Variants in HNRNPUL1 observed in about 807,000 individuals in gnomAD.
HNRNPUL1 encodes the protein heterogeneous nuclear ribonucleoprotein U like 1.
A neutral mutation model predicts 108.5 loss-of-function variants in HNRNPUL1; 14 were observed. The observed-to-expected ratio is 0.13, with a 90% CI of 0.09 to 0.20. The LOEUF (loss-of-function observed/expected upper bound fraction) is 0.20. Ranked by LOEUF, HNRNPUL1 falls within the 10% of genes least tolerant of loss-of-function variation. The pLI is 1.00. For missense variants in HNRNPUL1, 804 were observed against 1,168.3 expected (o/e 0.69, Z 4.55); for synonymous variants, 422 against 445.2 (o/e 0.95, Z 0.66).
At chr19:41,282,549 A>G (rs1159199411) in intron 7 of HNRNPUL1, among the ~76,000 whole-genome samples, 1 of 152,112 alleles carries the variant, frequency 6.6e-6, no homozygotes, top group Non-Finnish European at 1.5e-5. Context: ...GAATTCTCAC[A>G]GGGCCTTATC....
chr19:41,292,336 G>A lies in HNRNPUL1; in HGVS notation c.1091G>A (p.Gly364Glu). ...TTCCGAATCCAGAAGGAAGCCTTGG[G>A]GGGTCAGGCCCTCTATCCTCATGTC... ...IAFRIQKEAL[G>E]GQALYPHVLV... The change falls in exon 8 of 15, where the codon GGG (glycine) becomes GAG (glutamate). Residue 364 changes from glycine to glutamate, a missense_variant. Physicochemically the swap from Gly to Glu is moderately conservative, Grantham distance 98 (BLOSUM62 -2). This residue lies in a region of HNRNPUL1 where 174 missense variants were observed against 296.6 expected (regional missense o/e 0.59). Transcript: ENST00000392006. The surrounding 1 kb of genome is among the most constrained non-coding windows in gnomAD (Gnocchi z 4.1). 1 of 1,614,226 alleles carries A rather than the reference G, an allele frequency of 6.2e-7. No homozygotes were observed. The highest frequency in any genetic ancestry group is 2.2e-5 in the East Asian group (1 of 44,888).
At chr19:41,278,121 G>A (rs574789631) in intron 5 of HNRNPUL1, among the ~76,000 whole-genome samples, 2 of 152,020 alleles carry the variant, frequency 1.3e-5, no homozygotes, top group South Asian at 2.1e-4. Context: ...ATACAGTGGC[G>A]CAATCTCTGC....
chr19:41,283,653 G>C (rs67744888), intron 7 of HNRNPUL1, among the ~76,000 whole-genome samples: 1 of 151,874 alleles, frequency 6.6e-6, no homozygotes, highest in Non-Finnish European at 1.5e-5. Context: ...TTGGGGTTTC[G>C]CCGTGTTGGC....
At chr19:41,269,105 A>C (rs559521873) in intron 2 of HNRNPUL1, among the ~76,000 whole-genome samples, 1 of 151,856 alleles carries the variant, frequency 6.6e-6, no homozygotes. Flanking sequence ...TTGGAAATTC[A>C]CTGTGCTTGT....
chr19:41,304,413 C>A, intron 13 of HNRNPUL1, 152 bp downstream of exon 13: 1 of 1,387,880 alleles, frequency 7.2e-7, no homozygotes, highest in Non-Finnish European at 9.6e-7. Context: ...TCTCCCTGGC[C>A]GTGATCTTGA....
intron 13 of HNRNPUL1, 57 bp downstream of exon 13, chr19:41,304,318 A>G: frequency 3.9e-6 from 6 of 1,536,066 alleles, no homozygotes; most frequent in Middle Eastern, 1.8e-4. Flanking sequence ...TTTGAACCTG[A>G]GCAAGTTAGG....
At chr19:41,279,542 G>A (rs138722764) in intron 6 of HNRNPUL1, among the ~76,000 whole-genome samples, 181 of 152,192 alleles carry the variant, frequency 1.2e-3, no homozygotes, top group Non-Finnish European at 1.8e-3. Context: ...TTTTCTGTCC[G>A]GAGCCTAACC....
upstream of HNRNPUL1, chr19:41,264,312 A>G (rs1039178965): frequency 1.3e-5 from 6 of 453,336 alleles, no homozygotes; most frequent in Non-Finnish European, 2.2e-5. Flanking sequence ...GCACTGACCA[A>G]TTGGCACTCA....
intron 7 of HNRNPUL1, among the ~76,000 whole-genome samples, chr19:41,288,191 C>G: frequency 8.1e-6 from 1 of 123,376 alleles, no homozygotes; most frequent in Non-Finnish European, 1.7e-5. Flanking sequence ...CACTGGTACT[C>G]GGGGTTTCAT....
chr19:41,264,629 T>C lies in HNRNPUL1; in HGVS notation c.126T>C (p.Pro42=). 6.3e-7 allele frequency: 1 copy of C among 1,584,268 alleles called. No homozygotes were observed. Among genetic ancestry groups the C allele is most frequent in the South Asian group, 1.1e-5 (1 of 89,166 alleles). The change falls in exon 1 of 15, where the codon CCT becomes CCC. Residue 42 remains proline (P), a synonymous_variant. Transcript: ENST00000392006. The stretch of plus-strand genomic sequence containing the variant: ...AGGCGGCGTTGGAGGCCGAGGAGCC[T>C]GACGACGAGCGGGAGCTCGACGCCG... ...RLQAALEAEE[P]DDERELDADD...
At chr19:41,277,021 C>A (rs970570883) in intron 5 of HNRNPUL1, among the ~76,000 whole-genome samples, 2 of 149,360 alleles carry the variant, frequency 1.3e-5, no homozygotes, top group African/African-American at 5.0e-5. Flanking sequence ...TGCTTGAACC[C>A]AAGAGGCAGA....
At chr19:41,265,586 C>G (rs190219145) in intron 1 of HNRNPUL1, among the ~76,000 whole-genome samples, 7 of 152,104 alleles carry the variant, frequency 4.6e-5, no homozygotes, top group Non-Finnish European at 8.8e-5. Flanking sequence ...ATAGGGAGCC[C>G]TGGTGTCCAG....
upstream of HNRNPUL1, chr19:41,263,150 A>G (rs906707805): frequency 6.6e-6 from 1 of 151,210 alleles, no homozygotes. Context: ...CTGAGTAGAG[A>G]TAGTGTGTGG....
At chr19:41,304,692 C>T (rs2037441304) in intron 13 of HNRNPUL1, among the ~76,000 whole-genome samples, 3 of 152,182 alleles carry the variant, frequency 2.0e-5, no homozygotes, top group Admixed American at 2.0e-4. Context: ...AGGACTTGCC[C>T]TCTGCACAGA....
rs2035880010 is a variant in HNRNPUL1 at position 41,281,213 on chromosome 19, A to C, written c.937A>C (p.Asn313His). ...TGGAGGCACTGGGAAGAAGTCCACC[A>C]ATAGCCGGTTTGAAAACTACGGAGA... ...GYGGTGKKSTNSRFENYGDKF... is the reference protein window; with the variant it reads ...GYGGTGKKSTHSRFENYGDKF... The change falls in exon 7 of 15, where the codon AAT becomes CAT. Residue 313 changes from asparagine to histidine, a missense_variant. By Grantham distance (68) the Asn-to-His change is moderately conservative. This residue lies in a region of HNRNPUL1 where 174 missense variants were observed against 296.6 expected (regional missense o/e 0.59). Coordinates refer to ENST00000392006, the MANE Select transcript of HNRNPUL1 (RefSeq NM_007040.6). 6.2e-7 allele frequency: 1 copy of C among 1,614,184 alleles called. No homozygotes were observed. The highest frequency in any genetic ancestry group is 1.1e-5 in the South Asian group (1 of 91,084).
At position 41,264,764 on chromosome 19, in the gene HNRNPUL1, G is replaced by C. The variant is rs766156878; in HGVS notation, c.261G>C (p.Ala87=). The C allele has an allele frequency of 7.3e-7, 1 of 1,378,172 alleles. No individual in the cohort carries two copies. The highest frequency in any genetic ancestry group is 2.9e-5 in the East Asian group (1 of 34,372). The allele number at this position is 1,378,172 out of a possible 1,614,324, so 85.4% of individuals were successfully genotyped here. Residue 87 remains alanine, a synonymous_variant, in exon 1 of 15, where the codon GCG becomes GCC. Transcript: ENST00000392006. The part of the protein sequence containing the change: ...QPPPPGLQPH[A]EPGGYSGPDG... ...CGCCGCCCGGGCTGCAGCCGCACGC[G>C]GAGCCCGGCGGCTACTCGGGGCCGG...
intron 4 of HNRNPUL1, among the ~76,000 whole-genome samples, chr19:41,274,407 G>C (rs778457683): frequency 2.0e-5 from 3 of 152,188 alleles, no homozygotes; most frequent in African/African-American, 7.2e-5. Flanking sequence ...CATCTAATCA[G>C]GAAGGGAATC....
Position 41,294,812 on chromosome 19 carries a change from G to A in HNRNPUL1, c.1518+126G>A. On this transcript the variant is annotated intron_variant, in intron 10 of 14. Transcript: ENST00000392006. The surrounding 1 kb of genome is among the most constrained non-coding windows in gnomAD (Gnocchi z 4.3). ...GATGGACTGCTGTGCTAGTCGGGGG[G>A]GTCAGACCTTGTCATACATGATGAC... is the stretch of plus-strand genomic sequence containing the variant. 2.6e-6 allele frequency: 3 copies of A among 1,142,580 alleles called. No homozygotes were observed. The highest frequency in any genetic ancestry group is 3.8e-6 in the Non-Finnish European group (3 of 793,368). The allele number at this position is 1,142,580 out of a possible 1,614,324, so 70.8% of individuals were successfully genotyped here.
chr19:41,266,357 T>A (rs1431621680), intron 1 of HNRNPUL1, among the ~76,000 whole-genome samples: 8 of 151,828 alleles, frequency 5.3e-5, no homozygotes, highest in Admixed American at 3.9e-4. Context: ...CGCTTGAACT[T>A]GGGAGGGGGA....
Sources: gnomAD v4.1 joint callset for allele counts (sites outside exome capture counted in the v4.1 genomes callset) on GRCh38, gnomAD v4.1.1 for gene constraint, gnomAD v4.1.1 regional missense constraint, Gnocchi (gnomAD v3.1) non-coding constraint, MANE v1.5 for transcripts, NCBI Gene and HGNC (gene_info 2026-07-23, HGNC 2026-07-21) for gene names.